Variants in TTC5 observed in about 807,000 individuals in gnomAD.
The protein encoded by TTC5 is tetratricopeptide repeat domain 5, also known as tetratricopeptide repeat protein 5.
In TTC5, 46 loss-of-function variants were observed where a neutral mutation model predicts 57.4. The ratio of observed to expected loss-of-function variants is 0.80; its 90% confidence interval spans 0.63 to 1.03. The LOEUF is 1.03. Among genes scored for constraint, TTC5 ranks in the 50% least tolerant of loss-of-function variants. TTC5 has a pLI of 0.00. For missense variants in TTC5, 504 were observed against 528.1 expected, an observed-to-expected ratio of 0.95 and a Z score of 0.45; for synonymous variants, 190 against 203.5, an observed-to-expected ratio of 0.93 and a Z score of 0.57.
At chr14:20,305,648 G>C (rs1279688705) in intron 1 of TTC5, 2 of 582,058 alleles carry the variant, frequency 3.4e-6, no homozygotes, top group Admixed American at 3.1e-5. Context: ...TGAACAGTTA[G>C]GAGCAACAAA....
At chr14:20,295,021 T>G in intron 8 of TTC5, 1 of 334,002 alleles carries the variant, frequency 3.0e-6, no homozygotes, top group South Asian at 4.7e-5. Flanking sequence ...TTTTGAGGTT[T>G]CTGTCTTATA....
chr14:20,299,547 C>T (rs945459), intron 3 of TTC5, 99 bp from the exon 4 acceptor site: 1,013,900 of 1,409,482 alleles, frequency 0.72, 367,541 homozygotes, highest in Admixed American at 0.81. Context: ...TTTTACCTTT[C>T]TAAGTTTTTT....
Position 20,289,339 on chromosome 14 carries a change from G to A in TTC5, c.*288C>T. On this transcript the variant is annotated 3_prime_UTR_variant, in exon 10 of 10. Transcript: ENST00000258821. Reference sequence around the variant, plus strand: ...GGAACCTTGGGGACTCTGTCCCATGGCAAGATCCCAAGACTTCTACCAATT... The same window carrying A: ...GGAACCTTGGGGACTCTGTCCCATGACAAGATCCCAAGACTTCTACCAATT... 1 of 249,644 alleles carries A rather than the reference G, an allele frequency of 4.0e-6. No individual in the cohort carries two copies. Among genetic ancestry groups the A allele is most frequent in the Non-Finnish European group, 7.7e-6 (1 of 129,670 alleles). The allele number at this position is 249,644 out of a possible 1,614,324, so 15.5% of individuals were successfully genotyped here.
intron 1 of TTC5, among the ~76,000 whole-genome samples, chr14:20,302,834 AT>A (rs1363979906): frequency 2.6e-5 from 4 of 152,242 alleles, no homozygotes; most frequent in Non-Finnish European, 5.9e-5. Context: ...ATTATTAAAA[AT>A]ATTGTATCAA....
chr14:20,296,979 G>A (rs548810645), intron 5 of TTC5, among the ~76,000 whole-genome samples: 49 of 152,146 alleles, frequency 3.2e-4, no homozygotes, highest in Non-Finnish European at 4.1e-4. Context: ...CACTGCACTC[G>A]AGCCTGGGTG....
chr14:20,289,648 T>C lies in TTC5; in HGVS notation c.1302A>G (p.Ala434=). ...GSSSQAVATV[A]SRPQCE Reference sequence around the variant, plus strand: ...AAGGTCATTCACACTGTGGTCGCGATGCCACTGTGGCAACAGCCTGGCTGC... The same window carrying C: ...AAGGTCATTCACACTGTGGTCGCGACGCCACTGTGGCAACAGCCTGGCTGC... The change falls in exon 10 of 10, where the codon GCA becomes GCG. Residue 434 remains alanine, a synonymous_variant. Coordinates refer to ENST00000258821, the MANE Select transcript of TTC5 (RefSeq NM_138376.3). 6.2e-7 allele frequency: 1 copy of C among 1,613,666 alleles called. No homozygotes were observed.
At chr14:20,291,454 T>C (rs1390981373) in intron 9 of TTC5, among the ~76,000 whole-genome samples, 1 of 152,216 alleles carries the variant, frequency 6.6e-6, no homozygotes, top group African/African-American at 2.4e-5. Flanking sequence ...GTTAAATATC[T>C]ACATTCATAA....
chr14:20,301,728 C>T, intron 2 of TTC5, 105 bp downstream of exon 2: 1 of 1,456,286 alleles, frequency 6.9e-7, no homozygotes, highest in Non-Finnish European at 9.5e-7. Flanking sequence ...GTTGTACTAC[C>T]CTATAGCAGT....
Position 20,300,782 on chromosome 14 carries a change from G to C in TTC5, c.221C>G (p.Thr74Ser). ...VQGKAQVLML[T>S]GKALNVTPDY... ...AGGAGTCACATTTAGTGCTTTCCCA[G>C]TTAGCATTAGAACTTGTGCCTTGCC... is the stretch of plus-strand genomic sequence containing the variant. The change falls in exon 3 of 10, where the codon ACT (threonine) becomes AGT (serine). Residue 74 changes from threonine to serine, a missense_variant. Thr to Ser is a moderately conservative substitution (Grantham distance 58). Transcript: ENST00000258821. 2 of 1,614,068 alleles carry C rather than the reference G, an allele frequency of 1.2e-6. No homozygotes were observed. Among genetic ancestry groups the C allele is most frequent in the Non-Finnish European group, 1.7e-6 (2 of 1,180,010 alleles).
chr14:20,297,069 T>C lies in TTC5; in HGVS notation c.640-623A>G, dbSNP rs536231213. ...TCATTTTGATTTTTAAAAATTTAAA[T>C]AGTGAAGTGCTGGTAATAAATGAAG... On this transcript the variant is annotated intron_variant, in intron 5 of 9. Transcript: ENST00000258821. Among the ~76,000 whole-genome samples, 21 of 152,256 alleles carry C rather than the reference T, an allele frequency of 1.4e-4. 1 individual carries two copies. The South Asian group carries it at 4.2e-3, about 30-fold the overall frequency.
rs745355793 is a variant in TTC5, at chr14:20,299,523, TTCTAAA to T, written c.397-81_397-76del. 102 of 1,518,670 alleles carry T rather than the reference TTCTAAA, an allele frequency of 6.7e-5. 1 individual carries two copies. In the Middle Eastern group the frequency reaches 8.5e-4, roughly 13 times the overall value. 94.1% of individuals were successfully genotyped at this position (1,518,670 alleles called of 1,614,324 possible). A position where few individuals can be genotyped will look rare whatever the true frequency, so the allele number is the denominator to read the frequency against. ...TTCCAGATCTATTCTGAACTCAGTC[TTCTAAA>T]TCTAATTTTTTACCTTTCTAAGTTT... On this transcript the variant is annotated intron_variant, in intron 3 of 9. Coordinates refer to ENST00000258821, the MANE Select transcript of TTC5 (RefSeq NM_138376.3).
chr14:20,301,915 A>G lies in TTC5; in HGVS notation c.102T>C (p.His34=), dbSNP rs765071535. ...GCTTCCTCCCAGCATCCTCAACACT[A>G]TGTGTCTCGAAATAGCAGTCTCGAA... The part of the protein sequence containing the change: ...YSFRDCYFET[H]SVEDAGRKQQ... The change falls in exon 2 of 10, where the codon CAT becomes CAC. Residue 34 remains histidine, a synonymous_variant. Transcript: ENST00000258821. 13 of 1,613,908 alleles carry G rather than the reference A, an allele frequency of 8.1e-6. No individual in the cohort carries two copies. The highest frequency in any genetic ancestry group is 1.6e-4 in the Middle Eastern group (1 of 6,064).
chr14:20,303,543 T>C (rs1882233503), intron 1 of TTC5, among the ~76,000 whole-genome samples: 1 of 152,222 alleles, frequency 6.6e-6, no homozygotes, highest in African/African-American at 2.4e-5. Context: ...CCTGTCTCCA[T>C]CCCACTATGA....
rs757254803 is a variant in TTC5, at chr14:20,295,819, C to T, written c.732G>A (p.Leu244=). Residue 244 remains leucine (L), a synonymous_variant, in exon 7 of 10, where the codon CTG becomes CTA. Coordinates refer to ENST00000258821, the MANE Select transcript of TTC5 (RefSeq NM_138376.3). ...GGGCTGCAGCCCGAGAGAAGCCCTC[C>T]AGGGCCTCCCCATAACTCTCTTCAT... The part of the protein sequence containing the change: ...HKYEESYGEA[L]EGFSRAAALD... The T allele has an allele frequency of 1.9e-6, 3 of 1,599,570 alleles. No homozygotes were observed. Among genetic ancestry groups the T allele is most frequent in the Non-Finnish European group, 2.6e-6 (3 of 1,176,442 alleles).
At chr14:20,291,030 A>T (rs893054350) in intron 9 of TTC5, among the ~76,000 whole-genome samples, 1 of 151,808 alleles carries the variant, frequency 6.6e-6, no homozygotes, top group African/African-American at 2.4e-5. Context: ...CATTTTTTTC[A>T]CTTAACAACA....
chr14:20,298,946 T>C (rs755499906), intron 4 of TTC5, 58 bp from the exon 5 acceptor site: 2 of 1,301,710 alleles, frequency 1.5e-6, no homozygotes, highest in Non-Finnish European at 2.2e-6. Flanking sequence ...ATATGACTTA[T>C]TTTGATCATT....
intron 7 of TTC5, 29 bp from the exon 8 acceptor site, chr14:20,295,555 C>G (rs751274883): frequency 1.3e-6 from 2 of 1,596,744 alleles, no homozygotes; most frequent in South Asian, 2.2e-5. Context: ...AGGTAAGAAG[C>G]TGGAAACTAG....
chr14:20,294,069 C>G (rs959653501), intron 8 of TTC5: 2 of 152,182 alleles, frequency 1.3e-5, no homozygotes, highest in Non-Finnish European at 2.9e-5. Flanking sequence ...CATCACGTGA[C>G]ATGCCTGAAT....
chr14:20,299,246 A>G (rs1423504263), intron 4 of TTC5, 52 bp downstream of exon 4: 1 of 1,590,070 alleles, frequency 6.3e-7, no homozygotes. Context: ...TGTTGCTCTG[A>G]TTGAAAACAT....
Sources: gnomAD v4.1 joint callset for allele counts (sites outside exome capture counted in the v4.1 genomes callset) on GRCh38, gnomAD v4.1.1 for gene constraint, MANE v1.5 for transcripts, NCBI Gene and HGNC (gene_info 2026-07-23, HGNC 2026-07-21) for gene names.